The following SCML2 variants were observed in gnomAD, a reference collection of about 807,000 sequenced individuals.
SCML2 encodes the protein sex comb on midleg-like protein 2.
A neutral mutation model predicts 48.4 loss-of-function variants in SCML2; 6 were observed. The observed-to-expected ratio is 0.12, with a 90% CI of 0.07 to 0.24. The LOEUF is 0.24. Among genes scored for constraint, SCML2 ranks in the 10% least tolerant of loss-of-function variants. SCML2 has a pLI of 1.00. For synonymous variants in SCML2, 181 were observed against 189.5 expected (o/e 0.95, Z 0.37); for missense variants, 377 against 528.2 (o/e 0.71, Z 2.81).
chrX:18,285,648 C>T (rs1283084998), intron 7 of SCML2, among the ~76,000 whole-genome samples: 4 of 110,606 alleles, frequency 3.6e-5, no homozygotes, highest in Admixed American at 9.7e-5. Context: ...GTACATGTAC[C>T]GTCTGTATCT....
intron 6 of SCML2, among the ~76,000 whole-genome samples, chrX:18,317,369 A>G (rs1929156576): frequency 8.9e-6 from 1 of 112,267 alleles, no homozygotes; most frequent in African/African-American, 3.2e-5. Flanking sequence ...TCTAGGGTTA[A>G]ATGAATTCTG....
At chrX:18,274,318 A>G (rs1174275031) in intron 7 of SCML2, among the ~76,000 whole-genome samples, 2 of 111,834 alleles carry the variant, frequency 1.8e-5, no homozygotes, top group Non-Finnish European at 3.8e-5. Context: ...CAAGGGGTGG[A>G]ATGTAGCAGG....
chrX:18,325,665 A>G (rs1050377603), intron 3 of SCML2, among the ~76,000 whole-genome samples: 7 of 111,898 alleles, frequency 6.3e-5, no homozygotes, highest in Non-Finnish European at 1.1e-4. Context: ...AGAAGAGAAG[A>G]TCAGAAAGCA....
At chrX:18,334,733 C>T (rs1384906164) in intron 1 of SCML2, among the ~76,000 whole-genome samples, 3 of 111,812 alleles carry the variant, frequency 2.7e-5, no homozygotes, top group Non-Finnish European at 5.6e-5. Flanking sequence ...CCTCCAAGAC[C>T]CCAGTCTAGT....
intron 1 of SCML2, among the ~76,000 whole-genome samples, chrX:18,349,608 T>C (rs1253920343): frequency 9.0e-6 from 1 of 111,269 alleles, no homozygotes. Flanking sequence ...CTGAACAACA[T>C]GGTGAAACCC....
intron 6 of SCML2, among the ~76,000 whole-genome samples, chrX:18,310,260 CTTT>C (rs773391164): frequency 3.2e-5 from 2 of 62,367 alleles, no homozygotes; most frequent in Admixed American, 2.3e-4. Context: ...AACCACCTCC[CTTT>C]TTTTTTTTTT....
At position 18,239,418 on chromosome X, in the gene SCML2, TACAA is replaced by T. The variant is rs1395174436; in HGVS notation, c.*1829_*1832del. ...TGTTCAAGTGGGTACAGCATCTTCA[TACAA>T]ACAACTTGAAAGAAGACCAAGTTTA... On this transcript the variant is annotated 3_prime_UTR_variant, in exon 15 of 15. Coordinates refer to ENST00000251900, the MANE Select transcript of SCML2 (RefSeq NM_006089.3). 8.9e-6 allele frequency: 1 copy of T among 112,913 alleles called. No homozygotes were observed. Among genetic ancestry groups the T allele is most frequent in the Non-Finnish European group, 1.9e-5 (1 of 53,365 alleles). 9.3% of individuals were successfully genotyped at this position (112,913 alleles called of 1,213,427 possible). A position where few individuals can be genotyped will look rare whatever the true frequency, so the allele number is the denominator to read the frequency against.
rs1926224517 is a variant in SCML2 at position 18,240,501 on chromosome X, T to C, written c.*750A>G. On this transcript the variant is annotated 3_prime_UTR_variant, in exon 15 of 15. Coordinates refer to ENST00000251900, the MANE Select transcript of SCML2 (RefSeq NM_006089.3). ...TAATAGGAATTTCACTGAAAAAATTTAATCTGACTCCATCCAAACAACCCT... is the reference window on the plus strand; with the variant it reads ...TAATAGGAATTTCACTGAAAAAATTCAATCTGACTCCATCCAAACAACCCT... 1 of 111,843 alleles carries C rather than the reference T, an allele frequency of 8.9e-6. No individual in the cohort carries two copies. The highest frequency in any genetic ancestry group is 9.5e-5 in the Admixed American group (1 of 10,473). The allele number at this position is 111,843 out of a possible 1,213,427, so 9.2% of individuals were successfully genotyped here.
At chrX:18,299,624 A>C (rs1345599167) in intron 7 of SCML2, among the ~76,000 whole-genome samples, 1 of 111,522 alleles carries the variant, frequency 9.0e-6, no homozygotes, top group Non-Finnish European at 1.9e-5. Flanking sequence ...TAATCATCAG[A>C]GAAATGGAAA....
intron 5 of SCML2, among the ~76,000 whole-genome samples, chrX:18,321,383 G>A (rs1311876311): frequency 1.8e-5 from 2 of 110,420 alleles, no homozygotes; most frequent in Non-Finnish European, 3.8e-5. Context: ...TGCAACACCT[G>A]CTTGCCTCAA....
At chrX:18,324,419 C>G (rs781405154) in intron 4 of SCML2, among the ~76,000 whole-genome samples, 1 of 111,658 alleles carries the variant, frequency 9.0e-6, no homozygotes, top group South Asian at 3.7e-4. Context: ...ACCAGCAGCT[C>G]ACCACTGCCT....
intron 1 of SCML2, among the ~76,000 whole-genome samples, chrX:18,351,520 C>T (rs959024840): frequency 2.8e-5 from 3 of 108,163 alleles, no homozygotes; most frequent in African/African-American, 1.1e-4. Context: ...CCACTTTGTT[C>T]TTGTATATCC....
intron 1 of SCML2, among the ~76,000 whole-genome samples, chrX:18,349,707 G>A (rs542745883): frequency 5.4e-5 from 6 of 111,609 alleles, no homozygotes; most frequent in African/African-American, 2.0e-4. Context: ...TGAGGCAAGA[G>A]AATCACTTGA....
intron 7 of SCML2, among the ~76,000 whole-genome samples, chrX:18,280,553 A>G (rs888012875): frequency 8.9e-6 from 1 of 111,759 alleles, no homozygotes; most frequent in Non-Finnish European, 1.9e-5. Flanking sequence ...ACTCCACTTA[A>G]AAGACACAGA....
Position 18,305,154 on chromosome X carries a change from T to G in SCML2, c.548A>C (p.Lys183Thr). ...AGGACAGATGAGATACGGGTTCTTT[T>G]TGTCAATAGCTTCCAGTTTCATCCC... ...KVGMKLEAIDKKNPYLICPAT... is the reference protein window; with the variant it reads ...KVGMKLEAIDTKNPYLICPAT... The change falls in exon 7 of 15, where the codon AAA becomes ACA. Residue 183 changes from lysine (K) to threonine (T), a missense_variant. By Grantham distance (78) the Lys-to-Thr change is moderately conservative. Transcript: ENST00000251900. 1 of 1,209,797 alleles carries G rather than the reference T, an allele frequency of 8.3e-7. No homozygotes were observed. Among genetic ancestry groups the G allele is most frequent in the Non-Finnish European group, 1.1e-6 (1 of 894,103 alleles).
intron 5 of SCML2, among the ~76,000 whole-genome samples, chrX:18,322,454 T>C (rs983729834): frequency 2.7e-5 from 3 of 112,215 alleles, no homozygotes; most frequent in African/African-American, 9.7e-5. Context: ...GGATTGCACT[T>C]ATCTTTCACA....
intron 2 of SCML2, among the ~76,000 whole-genome samples, chrX:18,331,137 G>A (rs1338614896): frequency 1.8e-5 from 2 of 108,373 alleles, no homozygotes; most frequent in African/African-American, 6.7e-5. Flanking sequence ...GCGGGCACCT[G>A]TAATCCCAGC....
At chrX:18,295,737 C>T (rs1432041355) in intron 7 of SCML2, among the ~76,000 whole-genome samples, 2 of 111,244 alleles carry the variant, frequency 1.8e-5, no homozygotes, top group East Asian at 5.7e-4. Flanking sequence ...CGGCCCTCTA[C>T]TGCCATCGCT....
intron 1 of SCML2, among the ~76,000 whole-genome samples, chrX:18,347,535 T>C (rs1930238277): frequency 9.3e-6 from 1 of 107,341 alleles, no homozygotes; most frequent in Non-Finnish European, 1.9e-5. Flanking sequence ...GCAGATCACT[T>C]GAGGTCTGAA....
Sources: allele counts gnomAD v4.1 joint callset (sites outside exome capture counted in the v4.1 genomes callset), GRCh38; gene constraint gnomAD v4.1.1; transcripts MANE v1.5; gene names NCBI Gene and HGNC (gene_info 2026-07-23, HGNC 2026-07-21).